Variants in TEX11 observed in about 807,000 individuals in gnomAD.
TEX11 encodes the protein testis-expressed protein 11.
A neutral mutation model predicts 84.4 loss-of-function variants in TEX11; 7 were observed. The observed-to-expected ratio is 0.08, with a 90% CI of 0.05 to 0.16. The LOEUF is 0.16. Ranked by LOEUF, TEX11 falls within the 10% of genes least tolerant of loss-of-function variation. The pLI, the probability that TEX11 is intolerant of heterozygous loss-of-function variation, is 1.00. For missense variants in TEX11, 551 were observed against 660.5 expected (o/e 0.83, Z 1.82); for synonymous variants, 264 against 222.8 (o/e 1.18, Z -1.64).
chrX:70,635,259 C>T (rs1162006392), intron 17 of TEX11, among the ~76,000 whole-genome samples: 1 of 112,288 alleles, frequency 8.9e-6, no homozygotes. Flanking sequence ...CAGATATCCT[C>T]CACTTAGGGG....
At chrX:70,668,389 G>A (rs1392060964) in intron 16 of TEX11, among the ~76,000 whole-genome samples, 2 of 112,214 alleles carry the variant, frequency 1.8e-5, no homozygotes, top group African/African-American at 3.2e-5. Flanking sequence ...AAATATGATG[G>A]ATTGTGTATT....
chrX:70,655,089 A>G (rs1177052015), intron 16 of TEX11, among the ~76,000 whole-genome samples: 1 of 110,913 alleles, frequency 9.0e-6, no homozygotes, highest in African/African-American at 3.3e-5. Context: ...TTTTGTATGT[A>G]TAAGTAGTAT....
At chrX:70,551,744 G>C (rs1429158698) in intron 28 of TEX11, among the ~76,000 whole-genome samples, 1 of 111,519 alleles carries the variant, frequency 9.0e-6, no homozygotes, top group African/African-American at 3.3e-5. Context: ...TAGAATACAG[G>C]TCTTCAATGT....
At chrX:70,782,962 A>G (rs1344178987) in intron 9 of TEX11, among the ~76,000 whole-genome samples, 1 of 111,341 alleles carries the variant, frequency 9.0e-6, no homozygotes, top group African/African-American at 3.3e-5. Flanking sequence ...CTTTGAACTC[A>G]GCTCTGGACC....
intron 9 of TEX11, among the ~76,000 whole-genome samples, chrX:70,799,535 C>G (rs992111049): frequency 6.3e-5 from 7 of 111,862 alleles, no homozygotes; most frequent in Non-Finnish European, 1.3e-4. Context: ...AATCACCAGG[C>G]AAAATGCCTT....
the TEX11 span, among the ~76,000 whole-genome samples, chrX:70,523,880 A>G: frequency 1.8e-5 from 2 of 108,921 alleles, no homozygotes; most frequent in African/African-American, 6.7e-5. Context: ...AATGGTTTGC[A>G]TGAGAGTCTT....
intron 13 of TEX11, among the ~76,000 whole-genome samples, chrX:70,709,892 G>A (rs1314766803): frequency 9.0e-6 from 1 of 110,876 alleles, no homozygotes; most frequent in African/African-American, 3.3e-5. Context: ...GACTTCACAA[G>A]CCTGCTGCTG....
rs188727322 is a variant in TEX11 at position 70,666,889 on chromosome X, A to G, written c.1380+3488T>C. On this transcript the variant is annotated intron_variant, in intron 16 of 29. Coordinates refer to ENST00000374333, the MANE Select transcript of TEX11 (RefSeq NM_031276.3). Reference sequence around the variant, plus strand: ...AATCTTCTCAGTGAGGACTTCCCTGACCACCCTATCTAAAAGTTCAACCAT... The same window carrying G: ...AATCTTCTCAGTGAGGACTTCCCTGGCCACCCTATCTAAAAGTTCAACCAT... Among the ~76,000 whole-genome samples the G allele has an allele frequency of 1.4e-3, 159 of 111,264 alleles. 1 individual carries two copies. The highest frequency in any genetic ancestry group is 2.3e-3 in the Non-Finnish European group (121 of 53,027).
intron 24 of TEX11, among the ~76,000 whole-genome samples, chrX:70,593,403 C>A (rs182428512): frequency 6.3e-5 from 7 of 111,838 alleles, no homozygotes; most frequent in African/African-American, 2.3e-4. Context: ...CCACAAACCC[C>A]ATGGGGAGAT....
intron 14 of TEX11, among the ~76,000 whole-genome samples, chrX:70,680,960 A>G (rs1278776392): frequency 8.9e-6 from 1 of 112,898 alleles, no homozygotes; most frequent in Admixed American, 9.3e-5. Flanking sequence ...AAGAAAGGCC[A>G]ATTATGCCTT....
intron 4 of TEX11, among the ~76,000 whole-genome samples, chrX:70,866,898 A>C (rs1323992148): frequency 4.5e-5 from 5 of 112,134 alleles, no homozygotes; most frequent in Non-Finnish European, 9.4e-5. Context: ...TATTTATGAC[A>C]AACCCATAGC....
intron 2 of TEX11, among the ~76,000 whole-genome samples, chrX:70,907,150 A>T (rs1334237530): frequency 8.9e-6 from 1 of 111,876 alleles, no homozygotes; most frequent in East Asian, 2.8e-4. Flanking sequence ...ATGGAAAGGA[A>T]CTCCAAGATC....
chrX:70,731,683 G>A (rs942559326), intron 11 of TEX11, among the ~76,000 whole-genome samples: 10 of 110,703 alleles, frequency 9.0e-5, no homozygotes, highest in African/African-American at 3.3e-4. Flanking sequence ...ACCAAAAAAA[G>A]TCCAGGACCA....
chrX:70,530,275 G>A (rs761494712), intron 28 of TEX11, among the ~76,000 whole-genome samples: 1 of 111,782 alleles, frequency 8.9e-6, no homozygotes, highest in Non-Finnish European at 1.9e-5. Context: ...CCTGAGGCAC[G>A]AGAAAAACTT....
At chrX:70,739,040 G>A (rs2090716323) in intron 11 of TEX11, among the ~76,000 whole-genome samples, 1 of 111,142 alleles carries the variant, frequency 9.0e-6, no homozygotes, top group African/African-American at 3.3e-5. Context: ...GATAGGTGCA[G>A]CAAACCACCA....
chrX:70,751,010 G>T (rs1174083992), intron 9 of TEX11, among the ~76,000 whole-genome samples: 1 of 91,962 alleles, frequency 1.1e-5, no homozygotes, highest in Non-Finnish European at 2.2e-5. Flanking sequence ...TGGAGAAATA[G>T]GAACACTTTT....
intron 13 of TEX11, among the ~76,000 whole-genome samples, chrX:70,704,989 G>T (rs1433573891): frequency 9.0e-6 from 1 of 111,591 alleles, no homozygotes; most frequent in Non-Finnish European, 1.9e-5. Context: ...GTAAGGAAGG[G>T]ATCCAGTTTC....
At chrX:70,810,699 G>A (rs1378822654) in intron 8 of TEX11, among the ~76,000 whole-genome samples, 4 of 110,258 alleles carry the variant, frequency 3.6e-5, no homozygotes, top group Admixed American at 9.7e-5. Flanking sequence ...TGTAGATGAC[G>A]GGTTAATGGA....
chrX:70,710,022 T>C (rs1332867168), intron 13 of TEX11, among the ~76,000 whole-genome samples: 1 of 111,070 alleles, frequency 9.0e-6, no homozygotes, highest in Non-Finnish European at 1.9e-5. Context: ...TCTGATTCTG[T>C]CTTGGTAGTC....
Sources: allele counts gnomAD v4.1 joint callset (sites outside exome capture counted in the v4.1 genomes callset), GRCh38; gene constraint gnomAD v4.1.1; transcripts MANE v1.5; gene names NCBI Gene and HGNC (gene_info 2026-07-23, HGNC 2026-07-21).